MBD5: variants seen among roughly 807,000 people sequenced by gnomAD.
The protein encoded by MBD5 is methyl-CpG-binding domain protein 5.
Under a neutral mutation model 117.3 loss-of-function variants are expected in MBD5, and 13 were observed. The observed-to-expected ratio is 0.11, with a 90% CI of 0.07 to 0.18. MBD5 has a LOEUF of 0.18. Among genes scored for constraint, MBD5 ranks in the 10% least tolerant of loss-of-function variants. The pLI is 1.00. For synonymous variants in MBD5, 727 were observed against 766.4 expected, an observed-to-expected ratio of 0.95 and a Z score of 0.85; for missense variants, 1,879 against 2,093.8, an observed-to-expected ratio of 0.90 and a Z score of 2.00.
chr2:148,086,189 T>TTGTGTG (rs35844154), intron 1 of MBD5, among the ~76,000 whole-genome samples: 9 of 149,914 alleles, frequency 6.0e-5, no homozygotes, highest in East Asian at 2.0e-4. Context: ...TAAAATGTGT[T>TTGTGTG]TGTGTGTGTG....
intron 4 of MBD5, among the ~76,000 whole-genome samples, chr2:148,363,335 C>T (rs1703597130): frequency 6.6e-6 from 1 of 152,196 alleles, no homozygotes; most frequent in Non-Finnish European, 1.5e-5. Flanking sequence ...TGGGTTCACA[C>T]CATTCTCCTG....
intron 1 of MBD5, among the ~76,000 whole-genome samples, chr2:148,151,336 T>C (rs1176680179): frequency 1.5e-4 from 23 of 151,752 alleles, no homozygotes; most frequent in East Asian, 1.2e-3. Context: ...CTGCTGGATT[T>C]GGTTTGCCAG....
rs78968659 is a variant in MBD5, at chr2:148,371,988, T to A, written c.-557+29652T>A. On this transcript the variant is annotated intron_variant, in intron 4 of 13. Transcript: ENST00000642680. Reference sequence around the variant, plus strand: ...TGTGGTTGAGCTAAAGCTGTAGACATAGAAGATACAGTCCCCATTCTCAAC... The same window carrying A: ...TGTGGTTGAGCTAAAGCTGTAGACAAAGAAGATACAGTCCCCATTCTCAAC... Among the ~76,000 whole-genome samples the A allele has an allele frequency of 2.6e-3, 402 of 152,222 alleles. 10 individuals carry two copies. The highest frequency in any genetic ancestry group is 1.3e-3 in the Non-Finnish European group (91 of 67,962).
At chr2:148,118,435 A>AAAATAT (rs1021339753) in intron 1 of MBD5, among the ~76,000 whole-genome samples, 35 of 148,574 alleles carry the variant, frequency 2.4e-4, no homozygotes, top group African/African-American at 8.6e-4. Context: ...CATAAAAAAA[A>AAAATAT]ATATATATAT....
intron 3 of MBD5, among the ~76,000 whole-genome samples, chr2:148,287,041 CT>C (rs1051660931): frequency 3.3e-5 from 5 of 151,856 alleles, no homozygotes; most frequent in African/African-American, 1.2e-4. Context: ...TAAAGAGGTT[CT>C]TTTTTTTGCA....
chr2:148,140,379 T>TA (rs1430349985), intron 1 of MBD5, among the ~76,000 whole-genome samples: 2 of 152,178 alleles, frequency 1.3e-5, no homozygotes, highest in South Asian at 2.1e-4. Context: ...CAAAAGCAGA[T>TA]AAAAAAATTA....
chr2:148,467,956 A>C (rs560437893), intron 7 of MBD5, among the ~76,000 whole-genome samples: 33 of 152,236 alleles, frequency 2.2e-4, no homozygotes, highest in African/African-American at 7.7e-4. Flanking sequence ...AATCCAACAA[A>C]ATAGTAATAT....
At chr2:148,470,582 C>A in intron 8 of MBD5, 121 bp downstream of exon 8, 1 of 795,588 alleles carries the variant, frequency 1.3e-6, no homozygotes, top group South Asian at 2.1e-5. Flanking sequence ...AAATTCTCTT[C>A]ATTTCTTTAG....
chr2:148,355,990 C>A (rs1174291776), intron 4 of MBD5, among the ~76,000 whole-genome samples: 1 of 152,080 alleles, frequency 6.6e-6, no homozygotes, highest in African/African-American at 2.4e-5. Flanking sequence ...TCCTCTCTCA[C>A]TCTCTTGAGC....
At chr2:148,266,161 A>G (rs79261198) in intron 3 of MBD5, among the ~76,000 whole-genome samples, 2,510 of 152,286 alleles carry the variant, frequency 0.016, 78 homozygotes, top group African/African-American at 0.057. Context: ...TTGATAAATC[A>G]AAGTGAGTAT....
intron 1 of MBD5, among the ~76,000 whole-genome samples, chr2:148,072,522 T>A (rs1032601961): frequency 5.9e-4 from 90 of 152,138 alleles, no homozygotes; most frequent in African/African-American, 2.1e-3. Flanking sequence ...AAGCTTAGAA[T>A]TTTTTTTCTG....
At chr2:148,146,772 A>G (rs1196325811) in intron 1 of MBD5, among the ~76,000 whole-genome samples, 2 of 152,022 alleles carry the variant, frequency 1.3e-5, no homozygotes, top group Non-Finnish European at 2.9e-5. Context: ...AGGCTCTTTT[A>G]ATTTTTTAAT....
At chr2:148,385,028 A>G (rs1704303103) in intron 4 of MBD5, among the ~76,000 whole-genome samples, 1 of 152,240 alleles carries the variant, frequency 6.6e-6, no homozygotes, top group Admixed American at 6.5e-5. Flanking sequence ...AAACCTAGGC[A>G]ATACCATTCA....
chr2:148,138,005 G>T (rs941427187), intron 1 of MBD5, among the ~76,000 whole-genome samples: 7 of 152,220 alleles, frequency 4.6e-5, no homozygotes, highest in African/African-American at 1.4e-4. Flanking sequence ...ATGTATCCCT[G>T]TCGTTAAGTG....
intron 8 of MBD5, among the ~76,000 whole-genome samples, chr2:148,475,124 A>T (rs1196889019): frequency 6.6e-6 from 1 of 152,158 alleles, no homozygotes; most frequent in Admixed American, 6.6e-5. Context: ...GAAGGCTGTG[A>T]CTGAATAAAT....
chr2:148,462,735 T>G (rs1171632032), intron 6 of MBD5, 51 bp downstream of exon 6: 2 of 1,212,444 alleles, frequency 1.6e-6, no homozygotes, highest in Non-Finnish European at 2.4e-6. Flanking sequence ...TTAGGTATTT[T>G]GTATATTTGT....
chr2:148,416,573 T>G (rs1434718023), intron 4 of MBD5, among the ~76,000 whole-genome samples: 1 of 152,212 alleles, frequency 6.6e-6, no homozygotes. Context: ...TCAAATTAAC[T>G]AGTCTTTTGT....
intron 5 of MBD5, among the ~76,000 whole-genome samples, chr2:148,461,217 G>A (rs772702389): frequency 2.6e-5 from 4 of 152,154 alleles, no homozygotes; most frequent in African/African-American, 4.8e-5. Flanking sequence ...ACAGGCGTGA[G>A]CCACTGCACT....
intron 1 of MBD5, chr2:148,026,326 T>G (rs953059240): frequency 6.6e-6 from 1 of 152,120 alleles, no homozygotes; most frequent in Non-Finnish European, 1.5e-5. Context: ...CCCTGATAGC[T>G]TCACAGACTA....
Sources: allele counts gnomAD v4.1 joint callset (sites outside exome capture counted in the v4.1 genomes callset), GRCh38; gene constraint gnomAD v4.1.1; transcripts MANE v1.5; gene names NCBI Gene and HGNC (gene_info 2026-07-23, HGNC 2026-07-21).